UBQLN1: variants seen among roughly 807,000 people sequenced by gnomAD.
UBQLN1 encodes the protein ubiquilin-1.
In UBQLN1, 13 loss-of-function variants were observed where a neutral mutation model predicts 65.4. That is an observed-to-expected ratio of 0.20 (90% CI 0.13 to 0.32). The LOEUF (loss-of-function observed/expected upper bound fraction) is 0.32, where lower values mean the gene tolerates loss of function less well. Ranked by LOEUF, UBQLN1 falls within the 10% of genes least tolerant of loss-of-function variation. The pLI, the probability that UBQLN1 is intolerant of heterozygous loss-of-function variation, is 1.00. For synonymous variants in UBQLN1, 267 were observed against 247.8 expected, an observed-to-expected ratio of 1.08 and a Z score of -0.73; for missense variants, 561 against 724.0, an observed-to-expected ratio of 0.77 and a Z score of 2.58.
rs1194190565 is a variant in UBQLN1 at position 83,678,462 on chromosome 9, C to T, written c.849G>A (p.Met283Ile). 1.2e-6 allele frequency: 2 copies of T among 1,613,062 alleles called. No individual in the cohort carries two copies. The highest frequency in any genetic ancestry group is 1.7e-6 in the Non-Finnish European group (2 of 1,179,668). ...TCACCTGCTCTTGTGCAGCACTCAG[C>T]ATTGGTTCCTGAATATCTGTGTACA... ...RRMYTDIQEP[M>I]LSAAQEQFGG... The change falls in exon 5 of 11, where the codon ATG (methionine) becomes ATA (isoleucine). Residue 283 changes from methionine (M) to isoleucine (I), a missense_variant. Physicochemically the swap from Met to Ile is conservative, Grantham distance 10 (BLOSUM62 1). This residue lies in a region of UBQLN1 where 75 missense variants were observed against 138.9 expected (regional missense o/e 0.54). Coordinates refer to ENST00000376395, the MANE Select transcript of UBQLN1 (RefSeq NM_013438.5).
intron 1 of UBQLN1, among the ~76,000 whole-genome samples, chr9:83,689,276 C>T (rs1025670798): frequency 6.6e-6 from 1 of 152,170 alleles, no homozygotes; most frequent in African/African-American, 2.4e-5. Flanking sequence ...AAATAGTATG[C>T]CATTGTATGA....
Position 83,669,237 on chromosome 9 carries a change from T to C in UBQLN1, c.1196A>G (p.Tyr399Cys). ...QLMQNMLSAP[Y>C]MRSMMQSLSQ... ...TAGTGACTGCATCATGCTTCTCATG[T>C]AGGGGGCAGACAACATGTTTTGCAT... Residue 399 changes from tyrosine to cysteine, a missense_variant, in exon 7 of 11, where the codon TAC (tyrosine) becomes TGC (cysteine). Around this residue, in one of 8 missense-constraint regions of UBQLN1, gnomAD observed 102 missense variants for 150.7 expected, o/e 0.68. Transcript: ENST00000376395. 1 of 1,612,486 alleles carries C rather than the reference T, an allele frequency of 6.2e-7. No homozygotes were observed. The highest frequency in any genetic ancestry group is 2.2e-5 in the East Asian group (1 of 44,780).
chr9:83,706,826 T>C (rs1417273266), intron 1 of UBQLN1, among the ~76,000 whole-genome samples: 1 of 152,220 alleles, frequency 6.6e-6, no homozygotes, highest in Admixed American at 6.5e-5. Flanking sequence ...ATCTAAGAGA[T>C]GATAAACATA....
chr9:83,664,923 CAAAAA>C (rs539581441), intron 9 of UBQLN1, 102 bp downstream of exon 9: 1,414 of 230,592 alleles, frequency 6.1e-3, no homozygotes, highest in South Asian at 8.9e-3. Flanking sequence ...TGTATCCCAC[CAAAAA>C]AAAAAAAAAA....
chr9:83,684,353 C>T (rs532969549), intron 2 of UBQLN1, among the ~76,000 whole-genome samples: 1 of 151,926 alleles, frequency 6.6e-6, no homozygotes, highest in African/African-American at 2.4e-5. Context: ...CACCACTGTG[C>T]TGGGCAATTT....
At chr9:83,693,149 A>C (rs183924512) in intron 1 of UBQLN1, among the ~76,000 whole-genome samples, 2 of 152,336 alleles carry the variant, frequency 1.3e-5, no homozygotes, top group East Asian at 3.9e-4. Flanking sequence ...CTCAACAACC[A>C]TAAGAATCAA....
chr9:83,700,929 G>A (rs1832299832), intron 1 of UBQLN1, among the ~76,000 whole-genome samples: 4 of 152,184 alleles, frequency 2.6e-5, no homozygotes, highest in African/African-American at 9.6e-5. Context: ...GTTTTTCAGA[G>A]ATCACTCTTG....
chr9:83,683,916 G>A (rs191199138), intron 2 of UBQLN1, among the ~76,000 whole-genome samples: 2 of 152,178 alleles, frequency 1.3e-5, no homozygotes, highest in Non-Finnish European at 2.9e-5. Context: ...AGGTACTCAG[G>A]AGGCTGAGGC....
rs148245385 is a variant in UBQLN1, at chr9:83,660,116, A to AT, written c.*1670dup. 8.3e-3 allele frequency: 1,272 copies of AT among 152,410 alleles called. 36 individuals are homozygous for AT. Among genetic ancestry groups the AT allele is most frequent in the East Asian group, 0.046 (237 of 5,178 alleles). 9.4% of individuals were successfully genotyped at this position (152,410 alleles called of 1,614,324 possible). A position where few individuals can be genotyped will look rare whatever the true frequency, so the allele number is the denominator to read the frequency against. ...AAGCAGAAAGAGCAAAGACACATGAATACCCTTCTTAACAATCTCTTCTAC... is the reference window on the plus strand; with the variant it reads ...AAGCAGAAAGAGCAAAGACACATGAATTACCCTTCTTAACAATCTCTTCTAC... On this transcript the variant is annotated 3_prime_UTR_variant, in exon 11 of 11. Coordinates refer to ENST00000376395, the MANE Select transcript of UBQLN1 (RefSeq NM_013438.5).
intron 1 of UBQLN1, among the ~76,000 whole-genome samples, chr9:83,704,517 A>AT (rs35877566): frequency 0.2 from 29,823 of 152,110 alleles, 3,169 homozygotes; most frequent in African/African-American, 0.25. Flanking sequence ...AAAGACTTTA[A>AT]TTTTATCTAT....
intron 1 of UBQLN1, among the ~76,000 whole-genome samples, chr9:83,694,476 T>C (rs964471423): frequency 1.9e-4 from 29 of 152,204 alleles, no homozygotes; most frequent in Admixed American, 5.2e-4. Context: ...TTTAAAACAC[T>C]GCATAACCCT....
At chr9:83,672,671 GAAT>G (rs1403104180) in intron 6 of UBQLN1, among the ~76,000 whole-genome samples, 1 of 152,124 alleles carries the variant, frequency 6.6e-6, no homozygotes, top group Non-Finnish European at 1.5e-5. Context: ...CACCACAACA[GAAT>G]AATGAAAAAG....
intron 1 of UBQLN1, among the ~76,000 whole-genome samples, chr9:83,703,939 T>C (rs1832353971): frequency 6.6e-6 from 1 of 152,252 alleles, no homozygotes. Context: ...TAATTTCATC[T>C]AATCACTTAT....
chr9:83,677,258 G>A (rs1208684762), intron 6 of UBQLN1, among the ~76,000 whole-genome samples: 1 of 152,140 alleles, frequency 6.6e-6, no homozygotes, highest in Non-Finnish European at 1.5e-5. Context: ...TACATTTAAA[G>A]CTTCCTTTAA....
At chr9:83,679,010 C>T (rs542813754) in intron 4 of UBQLN1, among the ~76,000 whole-genome samples, 30 of 152,182 alleles carry the variant, frequency 2.0e-4, no homozygotes, top group Admixed American at 6.5e-4. Context: ...CGTGAGCCAC[C>T]GCGCCCGGCC....
intron 7 of UBQLN1, chr9:83,668,275 T>G: frequency 8.1e-6 from 8 of 984,668 alleles, no homozygotes; most frequent in Non-Finnish European, 9.6e-6. Context: ...CAATATAGTT[T>G]TAGAATTTAG....
chr9:83,662,074 G>A, intron 10 of UBQLN1, 135 bp from the exon 11 acceptor site: 1 of 685,864 alleles, frequency 1.5e-6, no homozygotes, highest in Non-Finnish European at 2.3e-6. Flanking sequence ...CCCACCTCTT[G>A]AAACTTATCC....
chr9:83,700,111 T>C (rs1832286598), intron 1 of UBQLN1, among the ~76,000 whole-genome samples: 1 of 152,242 alleles, frequency 6.6e-6, no homozygotes, highest in African/African-American at 2.4e-5. Context: ...TAAAATTATA[T>C]TCATTATGAA....
intron 4 of UBQLN1, among the ~76,000 whole-genome samples, chr9:83,679,131 G>A (rs1299881757): frequency 6.6e-6 from 1 of 152,156 alleles, no homozygotes; most frequent in Non-Finnish European, 1.5e-5. Context: ...AACTATGAAA[G>A]GGGCCAGTTT....
Sources: gnomAD v4.1 joint callset for allele counts (sites outside exome capture counted in the v4.1 genomes callset) on GRCh38, gnomAD v4.1.1 for gene constraint, gnomAD v4.1.1 regional missense constraint, MANE v1.5 for transcripts, NCBI Gene and HGNC (gene_info 2026-07-23, HGNC 2026-07-21) for gene names.